The following BACE2 variants were observed in gnomAD, a reference collection of about 807,000 sequenced individuals.
BACE2 encodes 56 kDa aspartic-like protease.
In BACE2, 17 loss-of-function variants were observed where a neutral mutation model predicts 46.2. The observed-to-expected ratio is 0.37, with a 90% CI of 0.25 to 0.55. The LOEUF (loss-of-function observed/expected upper bound fraction) is 0.55. Among genes scored for constraint, BACE2 ranks in the 20% least tolerant of loss-of-function variants. The probability of loss-of-function intolerance (pLI) is 0.82; values close to 1 mark genes in which losing one functional copy is unlikely to be tolerated. For synonymous variants in BACE2, 277 were observed against 295.9 expected (o/e 0.94, Z 0.66); for missense variants, 595 against 698.1 (o/e 0.85, Z 1.66).
chr21:41,217,383 G>A (rs1298612959), intron 1 of BACE2, among the ~76,000 whole-genome samples: 4 of 152,210 alleles, frequency 2.6e-5, no homozygotes, highest in African/African-American at 9.7e-5. Context: ...GATTTGCCTT[G>A]TAAAGGAATT....
rs2088485165 is a variant in BACE2 at position 41,275,970 on chromosome 21, T to C, written c.*346T>C. On this transcript the variant is annotated 3_prime_UTR_variant, in exon 9 of 9. Transcript: ENST00000330333. ...TTGGCTCGTTCTCTTCTCTCTTCAA[T>C]CTCTGGAAAAATAAGTACATATAGT... is the stretch of plus-strand genomic sequence containing the variant. The C allele has an allele frequency of 4.0e-6, 1 of 250,784 alleles. No homozygotes were observed. Among genetic ancestry groups the C allele is most frequent in the African/African-American group, 2.2e-5 (1 of 45,084 alleles). The allele number at this position is 250,784 out of a possible 1,614,324, so 15.5% of individuals were successfully genotyped here.
intron 8 of BACE2, among the ~76,000 whole-genome samples, chr21:41,273,437 AC>A (rs2088453971): frequency 6.6e-6 from 1 of 152,224 alleles, no homozygotes. Flanking sequence ...ACCCCTAGGA[AC>A]ACATTCTTTT....
intron 2 of BACE2, among the ~76,000 whole-genome samples, chr21:41,229,031 T>C (rs1173317654): frequency 1.3e-5 from 2 of 152,236 alleles, no homozygotes; most frequent in African/African-American, 4.8e-5. Flanking sequence ...CAATACTTCA[T>C]TTTGCATGAC....
intron 8 of BACE2, among the ~76,000 whole-genome samples, chr21:41,272,393 C>G (rs2088442924): frequency 6.6e-6 from 1 of 151,440 alleles, no homozygotes; most frequent in Non-Finnish European, 1.5e-5. Context: ...ATATTTTTTG[C>G]CTCACAATCC....
intron 1 of BACE2, 24 bp downstream of exon 1, chr21:41,168,599 C>T: frequency 7.7e-7 from 1 of 1,296,098 alleles, no homozygotes; most frequent in Non-Finnish European, 9.9e-7. Flanking sequence ...GCTGCTGCCG[C>T]GGGCTTTTCG....
At chr21:41,175,161 A>C in intron 1 of BACE2, 1 of 152,186 alleles carries the variant, frequency 6.6e-6, no homozygotes, top group Admixed American at 6.5e-5. Context: ...GCTGACATTA[A>C]CCACATAAAG....
chr21:41,168,922 C>G (rs1568851789), intron 1 of BACE2, among the ~76,000 whole-genome samples: 1 of 152,020 alleles, frequency 6.6e-6, no homozygotes, highest in Non-Finnish European at 1.5e-5. Flanking sequence ...CAGCGGGAGA[C>G]GGAGCGGTGG....
At chr21:41,262,470 C>T (rs191156494) in intron 8 of BACE2, among the ~76,000 whole-genome samples, 24 of 152,180 alleles carry the variant, frequency 1.6e-4, no homozygotes, top group African/African-American at 5.3e-4. Context: ...CAATATCTGG[C>T]AGGGACTTGA....
intron 1 of BACE2, among the ~76,000 whole-genome samples, chr21:41,169,961 T>C (rs1033221948): frequency 1.3e-5 from 2 of 152,224 alleles, no homozygotes; most frequent in Non-Finnish European, 2.9e-5. Context: ...ATGTGCCTGG[T>C]GCTGAGAACC....
intron 5 of BACE2, among the ~76,000 whole-genome samples, chr21:41,245,123 G>T: frequency 6.6e-6 from 1 of 152,170 alleles, no homozygotes; most frequent in South Asian, 2.1e-4. Flanking sequence ...TTTAAATTAA[G>T]TTTGTTTTTA....
Position 41,282,317 on chromosome 21 carries a change from A to G in BACE2, c.*6693A>G, listed in dbSNP as rs1238553997. 6.6e-6 allele frequency: 1 copy of G among 152,206 alleles called. No homozygotes were observed. The highest frequency in any genetic ancestry group is 1.5e-5 in the Non-Finnish European group (1 of 68,040). The allele number at this position is 152,206 out of a possible 1,614,324, so 9.4% of individuals were successfully genotyped here. A position where few individuals can be genotyped will look rare whatever the true frequency, so the allele number is the denominator to read the frequency against. On this transcript the variant is annotated 3_prime_UTR_variant, in exon 9 of 9. Coordinates refer to ENST00000330333, the MANE Select transcript of BACE2 (RefSeq NM_012105.5). ...CACGCTGATTTGATTTAAAAATGTA[A>G]TAAGACCAAGAGTTGGAGTAAAGGG...
At chr21:41,169,758 A>G (rs867115818) in intron 1 of BACE2, among the ~76,000 whole-genome samples, 2 of 152,214 alleles carry the variant, frequency 1.3e-5, no homozygotes, top group African/African-American at 2.4e-5. Context: ...TTAGGGGGAA[A>G]AAAAAACCTT....
chr21:41,226,865 A>G (rs184770251), intron 2 of BACE2, among the ~76,000 whole-genome samples: 5 of 152,314 alleles, frequency 3.3e-5, no homozygotes, highest in Non-Finnish European at 2.9e-5. Context: ...TGCAACACTC[A>G]TTTGGAAGAG....
At chr21:41,270,367 T>C (rs1004353847) in intron 8 of BACE2, among the ~76,000 whole-genome samples, 2 of 152,220 alleles carry the variant, frequency 1.3e-5, no homozygotes, top group South Asian at 2.1e-4. Context: ...CAAATTGTGC[T>C]TTTGGGTACT....
In BACE2 at chr21:41,168,283, C is replaced by A; in HGVS notation, c.20C>A (p.Ala7Glu). 1 of 1,241,632 alleles carries A rather than the reference C, an allele frequency of 8.1e-7. No homozygotes were observed. Among genetic ancestry groups the A allele is most frequent in the South Asian group, 3.0e-5 (1 of 33,506 alleles). 76.9% of individuals were successfully genotyped at this position (1,241,632 alleles called of 1,614,324 possible). Residue 7 changes from alanine to glutamate, a missense_variant, in exon 1 of 9, where the codon GCG (alanine) becomes GAG (glutamate). By Grantham distance (107) the Ala-to-Glu change is moderately radical. Coordinates refer to ENST00000330333, the MANE Select transcript of BACE2 (RefSeq NM_012105.5). The part of the protein sequence containing the change: MGALAR[A>E]LLLPLLAQWL... ...GTGGGCATGGGCGCACTGGCCCGGGCGCTGCTGCTGCCTCTGCTGGCCCAG... is the reference window on the plus strand; with the variant it reads ...GTGGGCATGGGCGCACTGGCCCGGGAGCTGCTGCTGCCTCTGCTGGCCCAG...
intron 1 of BACE2, chr21:41,178,103 A>G (rs942325306): frequency 6.6e-6 from 1 of 152,268 alleles, no homozygotes; most frequent in Non-Finnish European, 1.5e-5. Flanking sequence ...CAGCCCCCAC[A>G]ACAAAGAACG....
intron 1 of BACE2, among the ~76,000 whole-genome samples, chr21:41,194,518 A>G (rs1421997876): frequency 6.6e-6 from 1 of 152,186 alleles, no homozygotes; most frequent in Non-Finnish European, 1.5e-5. Flanking sequence ...GGGAAAGCTT[A>G]TATTTTCCTG....
At chr21:41,222,511 T>C (rs905303168) in intron 1 of BACE2, among the ~76,000 whole-genome samples, 3 of 152,234 alleles carry the variant, frequency 2.0e-5, no homozygotes, top group African/African-American at 7.2e-5. Flanking sequence ...TCTGGGGCTT[T>C]CACGGAGTGG....
chr21:41,214,069 T>C lies in BACE2; in HGVS notation c.313-12197T>C, dbSNP rs1986380942. On this transcript the variant is annotated intron_variant, in intron 1 of 8. Coordinates refer to ENST00000330333, the MANE Select transcript of BACE2 (RefSeq NM_012105.5). Reference sequence around the variant, plus strand: ...GCTCACTCACCGTGAGCCAGCACCATGAGGAGCACGTGTCACAGCATTTAC... The same window carrying C: ...GCTCACTCACCGTGAGCCAGCACCACGAGGAGCACGTGTCACAGCATTTAC... 2.0e-5 allele frequency among the ~76,000 whole-genome samples: 3 copies of C among 152,148 alleles called. No homozygotes were observed. In the South Asian group the frequency reaches 6.2e-4, roughly 31 times the overall value.
Sources: gnomAD v4.1 joint callset for allele counts (sites outside exome capture counted in the v4.1 genomes callset) on GRCh38, gnomAD v4.1.1 for gene constraint, MANE v1.5 for transcripts, NCBI Gene and HGNC (gene_info 2026-07-23, HGNC 2026-07-21) for gene names.